The following ATP2C2 variants were observed in gnomAD, a reference collection of about 807,000 sequenced individuals.
The protein encoded by ATP2C2 is calcium-transporting ATPase type 2C member 2.
Under a neutral mutation model 110.8 loss-of-function variants are expected in ATP2C2, and 171 were observed. The observed-to-expected ratio is 1.54, with a 90% CI of 1.36 to 1.75. The LOEUF (loss-of-function observed/expected upper bound fraction) is 1.75. ATP2C2 is among the 40% of genes most tolerant of loss of function. The pLI is 0.00. For missense variants in ATP2C2, 1,963 were observed against 1,235.0 expected (o/e 1.59, Z -8.84); for synonymous variants, 804 against 508.4 (o/e 1.58, Z -7.82).
intron 11 of ATP2C2, among the ~76,000 whole-genome samples, chr16:84,432,075 C>T (rs1435743783): frequency 2.0e-5 from 3 of 152,102 alleles, no homozygotes; most frequent in Non-Finnish European, 4.4e-5. Context: ...TCCCCCAACT[C>T]GGGGCTGGGT....
intron 18 of ATP2C2, 61 bp downstream of exon 18, chr16:84,452,152 G>A (rs1262002756): frequency 3.1e-6 from 5 of 1,590,992 alleles, no homozygotes; most frequent in South Asian, 1.1e-5. Context: ...ACGATGGGGG[G>A]CTGCTACCAA....
intron 7 of ATP2C2, among the ~76,000 whole-genome samples, chr16:84,421,613 G>T (rs1446329987): frequency 2.0e-5 from 3 of 152,112 alleles, no homozygotes; most frequent in African/African-American, 2.4e-5. Context: ...GGCCCTGGGA[G>T]CCTCACCTCG....
At position 84,460,776 on chromosome 16, in the gene ATP2C2, G is replaced by T; in HGVS notation, c.2456G>T (p.Gly819Val). The stretch of plus-strand genomic sequence containing the variant: ...ATGTCCGCGGCCATCATCATCAGCG[G>T]GACCCTCTTTATCTTCTGGAAGGAG... ...ILMSAAIIISGTLFIFWKEMP... is the reference protein window; with the variant it reads ...ILMSAAIIISVTLFIFWKEMP... The change falls in exon 24 of 27, where the codon GGG (glycine) becomes GTG (valine). Residue 819 changes from glycine to valine, a missense_variant. Physicochemically the swap from Gly to Val is moderately radical, Grantham distance 109. Transcript: ENST00000262429. The T allele has an allele frequency of 6.2e-7, 1 of 1,613,810 alleles. No individual in the cohort carries two copies. Among genetic ancestry groups the T allele is most frequent in the Non-Finnish European group, 8.5e-7 (1 of 1,179,778 alleles).
chr16:84,431,035 C>G (rs1908232708), intron 11 of ATP2C2, among the ~76,000 whole-genome samples: 1 of 152,126 alleles, frequency 6.6e-6, no homozygotes, highest in Non-Finnish European at 1.5e-5. Context: ...TGTTGACTCT[C>G]TGTTTACATC....
At chr16:84,375,613 C>G (rs1910207562) in intron 1 of ATP2C2, among the ~76,000 whole-genome samples, 1 of 152,014 alleles carries the variant, frequency 6.6e-6, no homozygotes, top group Non-Finnish European at 1.5e-5. Flanking sequence ...CAGCTGTCTG[C>G]TCACCCACGT....
chr16:84,385,020 G>T (rs564693741), intron 1 of ATP2C2, among the ~76,000 whole-genome samples: 1 of 152,336 alleles, frequency 6.6e-6, no homozygotes, highest in African/African-American at 2.4e-5. Context: ...CTGCACTCCA[G>T]CCTAGGTGAC....
At position 84,454,819 on chromosome 16, in the gene ATP2C2, C is replaced by G; in HGVS notation, c.1982C>G (p.Ala661Gly). The change falls in exon 21 of 27, where the codon GCT (alanine) becomes GGT (glycine). Residue 661 changes from alanine (A) to glycine (G), a missense_variant and splice_region_variant. Coordinates refer to ENST00000262429, the MANE Select transcript of ATP2C2 (RefSeq NM_014861.4). ...SPKHKLKIIK[A>G]LQESGAIVAM... ...CTTCATTGCCTGCTCTTTCCAAAGGCTCTGCAGGAGTCAGGGGCGATCGTG... is the reference window on the plus strand; with the variant it reads ...CTTCATTGCCTGCTCTTTCCAAAGGGTCTGCAGGAGTCAGGGGCGATCGTG... The G allele has an allele frequency of 3.8e-6, 6 of 1,594,336 alleles. No homozygotes were observed. The East Asian group carries it at 9.1e-5, about 24-fold the overall frequency.
At chr16:84,439,811 T>A (rs766648844) in intron 13 of ATP2C2, among the ~76,000 whole-genome samples, 2 of 152,178 alleles carry the variant, frequency 1.3e-5, no homozygotes, top group Non-Finnish European at 2.9e-5. Context: ...CACGATAAAC[T>A]AACCGTGATT....
chr16:84,412,351 C>CTTGCGTGTGT (rs1555557483), intron 6 of ATP2C2, among the ~76,000 whole-genome samples: 2 of 63,298 alleles, frequency 3.2e-5, no homozygotes, highest in African/African-American at 1.1e-4. Flanking sequence ...CGTGTGTCTG[C>CTTGCGTGTGT]GTGCGTGTGT....
At chr16:84,390,454 C>T (rs1597746178) in intron 1 of ATP2C2, among the ~76,000 whole-genome samples, 1 of 152,310 alleles carries the variant, frequency 6.6e-6, no homozygotes, top group Middle Eastern at 3.4e-3. Flanking sequence ...AGGCCGTTTC[C>T]TTGGGGCTAG....
At chr16:84,452,336 T>C (rs1339011803) in intron 18 of ATP2C2, among the ~76,000 whole-genome samples, 2 of 152,156 alleles carry the variant, frequency 1.3e-5, no homozygotes, top group African/African-American at 4.8e-5. Context: ...CTACTGTGTG[T>C]CAGGGGCTTT....
At position 84,439,297 on chromosome 16, in the gene ATP2C2, G is replaced by A. The variant is rs2150566230; in HGVS notation, c.1111+7G>A. ...CCCATCGTGGAGACTTTAGGTGAGGGACTCCAGCTGGTGGAATCCTTACAC... is the reference window on the plus strand; with the variant it reads ...CCCATCGTGGAGACTTTAGGTGAGGAACTCCAGCTGGTGGAATCCTTACAC... On this transcript the variant is annotated splice_region_variant and intron_variant, in intron 12 of 26. Transcript: ENST00000262429. 1 of 1,613,192 alleles carries A rather than the reference G, an allele frequency of 6.2e-7. No individual in the cohort carries two copies. The highest frequency in any genetic ancestry group is 8.5e-7 in the Non-Finnish European group (1 of 1,180,034).
intron 23 of ATP2C2, chr16:84,459,904 C>CTA: frequency 2.2e-5 from 7 of 314,216 alleles, no homozygotes; most frequent in South Asian, 1.1e-4. Flanking sequence ...GCTCAGGAGT[C>CTA]CACCCGCTCC....
chr16:84,391,688 A>T (rs904988893), intron 1 of ATP2C2, among the ~76,000 whole-genome samples: 3 of 152,214 alleles, frequency 2.0e-5, no homozygotes. Flanking sequence ...GCAGGGTTCA[A>T]TGGGAACGTG....
At chr16:84,452,175 G>A (rs1163583613) in intron 18 of ATP2C2, 84 bp downstream of exon 18, 85 of 1,542,952 alleles carry the variant, frequency 5.5e-5, no homozygotes, top group East Asian at 1.8e-4. Context: ...GGAAGCCTCC[G>A]CAAACTCGGT....
chr16:84,430,005 C>G (rs1908125105), intron 11 of ATP2C2, among the ~76,000 whole-genome samples: 1 of 152,128 alleles, frequency 6.6e-6, no homozygotes, highest in Non-Finnish European at 1.5e-5. Flanking sequence ...TGGTCTCCTC[C>G]TCTGTCTCTG....
chr16:84,414,464 G>C (rs1437725767), intron 6 of ATP2C2, among the ~76,000 whole-genome samples: 1 of 151,984 alleles, frequency 6.6e-6, no homozygotes, highest in African/African-American at 2.4e-5. Context: ...TAGAAGAAGG[G>C]TGTGTGTGTG....
rs757428280 is a variant in ATP2C2, at chr16:84,416,081, GGAA to G, written c.624+491_624+493del. On this transcript the variant is annotated intron_variant, in intron 7 of 26. Transcript: ENST00000262429. Reference sequence around the variant, plus strand: ...CCCAGCTACTCAGGAGGCTGAGGCAGGAAAATCACTTGAACCCGGGAGGCGGAG... The same window carrying G: ...CCCAGCTACTCAGGAGGCTGAGGCAGAATCACTTGAACCCGGGAGGCGGAG... Among the ~76,000 whole-genome samples, 35 of 152,354 alleles carry G rather than the reference GGAA, an allele frequency of 2.3e-4. No individual in the cohort carries two copies. The East Asian group carries it at 6.0e-3, about 26-fold the overall frequency.
At chr16:84,370,502 G>A (rs1285231174) in intron 1 of ATP2C2, among the ~76,000 whole-genome samples, 1 of 152,176 alleles carries the variant, frequency 6.6e-6, no homozygotes, top group Non-Finnish European at 1.5e-5. Context: ...GAGGGAGGGA[G>A]GTGGGGAGGC....
Sources: allele counts gnomAD v4.1 joint callset (sites outside exome capture counted in the v4.1 genomes callset), GRCh38; gene constraint gnomAD v4.1.1; transcripts MANE v1.5; gene names NCBI Gene and HGNC (gene_info 2026-07-23, HGNC 2026-07-21).